The following SLCO5A1 variants were observed in gnomAD, a reference collection of about 807,000 sequenced individuals.
The protein encoded by SLCO5A1 is solute carrier organic anion transporter family member 5A1, also known as organic anion transporter polypeptide-related protein 4.
SLCO5A1 carries 39 observed loss-of-function variants against 65.1 expected under a neutral mutation model. That is an observed-to-expected ratio of 0.60 (90% CI 0.46 to 0.78). The LOEUF (loss-of-function observed/expected upper bound fraction) is 0.78. SLCO5A1 is among the 30% of genes least tolerant of loss of function. The pLI is 0.00. For missense variants in SLCO5A1, 1,029 were observed against 1,069.4 expected (o/e 0.96, Z 0.53); for synonymous variants, 438 against 415.7 (o/e 1.05, Z -0.65).
At chr8:69,798,371 G>C (rs976387635) in intron 2 of SLCO5A1, among the ~76,000 whole-genome samples, 2 of 152,164 alleles carry the variant, frequency 1.3e-5, no homozygotes, top group Admixed American at 1.3e-4. Context: ...ATTGGCTCAT[G>C]GTTCTACAGC....
chr8:69,831,673 G>A (rs1821158154), intron 2 of SLCO5A1, 94 bp downstream of exon 2: 1 of 1,327,480 alleles, frequency 7.5e-7, no homozygotes, highest in Non-Finnish European at 1.0e-6. Context: ...TAATATACAT[G>A]AAAATGTGAA....
At position 69,672,830 on chromosome 8, in the gene SLCO5A1, A is replaced by T. The variant is rs1473844280; in HGVS notation, c.*39T>A. On this transcript the variant is annotated 3_prime_UTR_variant, in exon 10 of 10. Coordinates refer to ENST00000260126, the MANE Select transcript of SLCO5A1 (RefSeq NM_030958.3). ...AGTTGTTTCTCAAGTCGCCATTTTCAATTCAACCAACAAAACTAAATTCTT... is the reference window on the plus strand; with the variant it reads ...AGTTGTTTCTCAAGTCGCCATTTTCTATTCAACCAACAAAACTAAATTCTT... 1.1e-5 allele frequency: 17 copies of T among 1,562,606 alleles called. No individual in the cohort carries two copies. In the Admixed American group the frequency reaches 3.3e-4, roughly 30 times the overall value.
chr8:69,716,928 C>T (rs959458556), intron 5 of SLCO5A1, among the ~76,000 whole-genome samples: 2 of 151,974 alleles, frequency 1.3e-5, no homozygotes, highest in Admixed American at 6.6e-5. Context: ...TACAGGCACA[C>T]GCCACCACCC....
chr8:69,673,401 A>G (rs1217652361), intron 9 of SLCO5A1, 75 bp from the exon 10 acceptor site: 12 of 1,339,764 alleles, frequency 9.0e-6, no homozygotes, highest in Non-Finnish European at 1.1e-5. Context: ...TAAATTAGCA[A>G]GGTACTTGTG....
At position 69,828,278 on chromosome 8, in the gene SLCO5A1, A is replaced by T. The variant is rs1442639794; in HGVS notation, c.907+3489T>A. On this transcript the variant is annotated intron_variant, in intron 2 of 9. Coordinates refer to ENST00000260126, the MANE Select transcript of SLCO5A1 (RefSeq NM_030958.3). ...GCATTCATCATTTTTTTTTTTTTTA[A>T]AAAAAAAGCAATTTAATCAGTATCT... Among the ~76,000 whole-genome samples, 99 of 95,574 alleles carry T rather than the reference A, an allele frequency of 1.0e-3. 1 individual carries two copies. The highest frequency in any genetic ancestry group is 5.3e-3 in the African/African-American group (94 of 17,850). 62.7% of individuals were successfully genotyped at this position (95,574 alleles called of 152,430 possible).
chr8:69,751,910 A>G (rs1817320332), intron 4 of SLCO5A1, among the ~76,000 whole-genome samples: 1 of 152,134 alleles, frequency 6.6e-6, no homozygotes, highest in South Asian at 2.1e-4. Context: ...AGGTACTAAT[A>G]TTGGTATCCA....
At chr8:69,734,306 G>T (rs1392518003) in intron 5 of SLCO5A1, among the ~76,000 whole-genome samples, 1 of 152,096 alleles carries the variant, frequency 6.6e-6, no homozygotes, top group Non-Finnish European at 1.5e-5. Flanking sequence ...CTTTGCCTTT[G>T]CTCAAGCTGG....
At chr8:69,771,866 T>A (rs1480331105) in intron 2 of SLCO5A1, among the ~76,000 whole-genome samples, 1 of 152,132 alleles carries the variant, frequency 6.6e-6, no homozygotes, top group Non-Finnish European at 1.5e-5. Context: ...GAAATGTGAG[T>A]TCTAATTCAA....
At chr8:69,764,452 A>G (rs1443377591) in intron 2 of SLCO5A1, among the ~76,000 whole-genome samples, 1 of 152,140 alleles carries the variant, frequency 6.6e-6, no homozygotes. Context: ...ACACTATTTC[A>G]AAAGAGAAAG....
rs530465719 is a variant in SLCO5A1, at chr8:69,674,294, T to G, written c.2090-968A>C. On this transcript the variant is annotated intron_variant, in intron 9 of 9. Coordinates refer to ENST00000260126, the MANE Select transcript of SLCO5A1 (RefSeq NM_030958.3). ...GACCTCAATAAAAATTTATGGAAGA[T>G]AGCAATGGGAGGGAGGAGGGAGGAA... Among the ~76,000 whole-genome samples the G allele has an allele frequency of 6.6e-5, 10 of 151,754 alleles. No individual in the cohort carries two copies. The East Asian group carries it at 1.9e-3, about 29-fold the overall frequency.
At chr8:69,683,937 G>T (rs1586679437) in intron 6 of SLCO5A1, among the ~76,000 whole-genome samples, 1 of 152,158 alleles carries the variant, frequency 6.6e-6, no homozygotes, top group Non-Finnish European at 1.5e-5. Flanking sequence ...GTGTTAATTG[G>T]TGTTTGTTCA....
At chr8:69,799,149 C>T (rs904829576) in intron 2 of SLCO5A1, among the ~76,000 whole-genome samples, 2 of 152,132 alleles carry the variant, frequency 1.3e-5, no homozygotes, top group African/African-American at 4.8e-5. Context: ...TTAATAATAA[C>T]CTGTTTCAAG....
chr8:69,753,782 G>T (rs562351972), intron 4 of SLCO5A1, among the ~76,000 whole-genome samples: 7 of 151,986 alleles, frequency 4.6e-5, no homozygotes, highest in South Asian at 2.1e-4. Flanking sequence ...AGGCCGAGGA[G>T]GGTGGATCAC....
At chr8:69,694,460 A>G (rs530987090) in intron 6 of SLCO5A1, among the ~76,000 whole-genome samples, 22 of 152,250 alleles carry the variant, frequency 1.4e-4, no homozygotes, top group Non-Finnish European at 3.2e-4. Flanking sequence ...TTGAAAGGGA[A>G]AAAAGCCACA....
At chr8:69,744,447 C>T (rs962928381) in intron 4 of SLCO5A1, among the ~76,000 whole-genome samples, 4 of 152,198 alleles carry the variant, frequency 2.6e-5, no homozygotes, top group Admixed American at 2.6e-4. Flanking sequence ...TCAGGATTGG[C>T]ATCTGCCCCT....
At chr8:69,814,900 C>T (rs1563370930) in intron 2 of SLCO5A1, among the ~76,000 whole-genome samples, 1 of 152,062 alleles carries the variant, frequency 6.6e-6, no homozygotes, top group African/African-American at 2.4e-5. Flanking sequence ...AAGCCAGGCA[C>T]AGAAAGACAA....
chr8:69,778,928 G>A (rs1276627261), intron 2 of SLCO5A1, among the ~76,000 whole-genome samples: 1 of 152,086 alleles, frequency 6.6e-6, no homozygotes, highest in Non-Finnish European at 1.5e-5. Context: ...ACTTCTTATA[G>A]GCCAAACTAT....
intron 2 of SLCO5A1, among the ~76,000 whole-genome samples, chr8:69,776,567 G>C (rs1306861521): frequency 6.6e-6 from 1 of 152,072 alleles, no homozygotes; most frequent in African/African-American, 2.4e-5. Context: ...ACATGCATCT[G>C]TAGTCCCGGC....
In SLCO5A1 at chr8:69,673,257, C is replaced by T; in HGVS notation, c.2159G>A (p.Cys720Tyr). The T allele has an allele frequency of 6.2e-7, 1 of 1,614,242 alleles. No homozygotes were observed. The highest frequency in any genetic ancestry group is 8.5e-7 in the Non-Finnish European group (1 of 1,180,060). Residue 720 changes from cysteine to tyrosine, a missense_variant, in exon 10 of 10, where the codon TGT (cysteine) becomes TAT (tyrosine). This residue lies in a region of SLCO5A1 where 258 missense variants were observed against 237.4 expected (regional missense o/e 1.09). Transcript: ENST00000260126. ...CTCCCAGCAAGAACCCTGCACACCA[C>T]ATTCCTGTTGCCAGAGCATGCAGGT... ...DTTCMLWQQECGVQGSCWEYN... is the reference protein window; with the variant it reads ...DTTCMLWQQEYGVQGSCWEYN...
Sources: gnomAD v4.1 joint callset for allele counts (sites outside exome capture counted in the v4.1 genomes callset) on GRCh38, gnomAD v4.1.1 for gene constraint, gnomAD v4.1.1 regional missense constraint, MANE v1.5 for transcripts, NCBI Gene and HGNC (gene_info 2026-07-23, HGNC 2026-07-21) for gene names.